The following B3GLCT variants were observed in gnomAD, a reference collection of about 807,000 sequenced individuals.
B3GLCT encodes beta-1,3-glucosyltransferase.
Under a neutral mutation model 63.4 loss-of-function variants are expected in B3GLCT, and 65 were observed. The ratio of observed to expected loss-of-function variants is 1.03; its 90% CI spans 0.84 to 1.26. The LOEUF (loss-of-function observed/expected upper bound fraction) is 1.26, where lower values mean the gene tolerates loss of function less well. Ranked by LOEUF, B3GLCT falls within the 50% of genes most tolerant of loss-of-function variation. The pLI, the probability that B3GLCT is intolerant of heterozygous loss-of-function variation, is 0.00. For synonymous variants in B3GLCT, 233 were observed against 219.2 expected (o/e 1.06, Z -0.55); for missense variants, 577 against 604.8 (o/e 0.95, Z 0.48).
At chr13:31,276,418 GTTA>G (rs569166132) in intron 9 of B3GLCT, among the ~76,000 whole-genome samples, 9 of 152,072 alleles carry the variant, frequency 5.9e-5, no homozygotes, top group Admixed American at 1.3e-4. Flanking sequence ...CCTTGCAGTG[GTTA>G]TTATTTTTTT....
At chr13:31,221,099 C>T (rs561457781) in intron 2 of B3GLCT, among the ~76,000 whole-genome samples, 1 of 152,316 alleles carries the variant, frequency 6.6e-6, no homozygotes, top group Non-Finnish European at 1.5e-5. Flanking sequence ...GTTCTGTGGC[C>T]AGAATGACTG....
chr13:31,310,034 C>A (rs1002841179), intron 12 of B3GLCT, among the ~76,000 whole-genome samples: 1 of 152,162 alleles, frequency 6.6e-6, no homozygotes, highest in Non-Finnish European at 1.5e-5. Flanking sequence ...GGCCAGGTCC[C>A]CAGTGAAACC....
chr13:31,270,567 A>G (rs756659917), intron 8 of B3GLCT, among the ~76,000 whole-genome samples: 2 of 152,210 alleles, frequency 1.3e-5, no homozygotes, highest in East Asian at 3.9e-4. Flanking sequence ...AAGATTAATG[A>G]ACAAAATACT....
chr13:31,211,345 G>A (rs1230532346), intron 1 of B3GLCT, among the ~76,000 whole-genome samples: 2 of 152,142 alleles, frequency 1.3e-5, no homozygotes, highest in Non-Finnish European at 2.9e-5. Flanking sequence ...GCGTTGAGTT[G>A]AGATAGTGCC....
At chr13:31,237,108 A>C (rs1870690419) in intron 4 of B3GLCT, among the ~76,000 whole-genome samples, 1 of 144,804 alleles carries the variant, frequency 6.9e-6, no homozygotes, top group African/African-American at 2.5e-5. Context: ...CCTGGGCAAC[A>C]GAGCGAGACT....
At chr13:31,258,763 T>TAGG (rs1264212014) in intron 6 of B3GLCT, among the ~76,000 whole-genome samples, 9 of 152,268 alleles carry the variant, frequency 5.9e-5, no homozygotes, top group African/African-American at 1.9e-4. Flanking sequence ...TATGTGCCTA[T>TAGG]GTGTGATTTT....
intron 12 of B3GLCT, among the ~76,000 whole-genome samples, chr13:31,306,798 A>G (rs1874423814): frequency 1.7e-5 from 1 of 60,600 alleles, no homozygotes; most frequent in Admixed American, 2.0e-4. Flanking sequence ...TCAAGCTACC[A>G]ATGACTTTCT....
intron 3 of B3GLCT, among the ~76,000 whole-genome samples, chr13:31,224,084 G>A (rs114126020): frequency 0.012 from 1,900 of 152,196 alleles, 44 homozygotes; most frequent in African/African-American, 0.044. Flanking sequence ...AGAGACCCCC[G>A]CCCCCGGGTG....
At chr13:31,222,867 C>A in intron 2 of B3GLCT, 85 bp from the exon 3 acceptor site, 1 of 899,112 alleles carries the variant, frequency 1.1e-6, no homozygotes, top group Non-Finnish European at 1.9e-6. Flanking sequence ...CTGATACATA[C>A]CATGCACCAT....
At chr13:31,317,857 C>T (rs1875132790) in intron 13 of B3GLCT, among the ~76,000 whole-genome samples, 172 bp downstream of exon 13, 1 of 142,516 alleles carries the variant, frequency 7.0e-6, no homozygotes, top group South Asian at 2.3e-4. Context: ...AAAGAACACT[C>T]AGTAAAGAAT....
At chr13:31,301,218 C>A (rs1459441027) in intron 12 of B3GLCT, among the ~76,000 whole-genome samples, 3 of 152,160 alleles carry the variant, frequency 2.0e-5, no homozygotes, top group African/African-American at 7.2e-5. Context: ...TCCTAGTAGT[C>A]ATTGCTGGGA....
intron 11 of B3GLCT, among the ~76,000 whole-genome samples, chr13:31,285,604 TAAAAAAA>T (rs11339832): frequency 7.1e-5 from 6 of 84,242 alleles, no homozygotes; most frequent in Non-Finnish European, 9.2e-5. Flanking sequence ...CTTTTATGAG[TAAAAAAA>T]AAAAAAAAAA....
At chr13:31,280,932 T>G (rs1441141793) in intron 10 of B3GLCT, among the ~76,000 whole-genome samples, 1 of 152,210 alleles carries the variant, frequency 6.6e-6, no homozygotes, top group African/African-American at 2.4e-5. Flanking sequence ...CATAAGGTGA[T>G]GAATTGGGCA....
At chr13:31,314,354 A>G in intron 12 of B3GLCT, among the ~76,000 whole-genome samples, 1 of 152,182 alleles carries the variant, frequency 6.6e-6, no homozygotes, top group East Asian at 1.9e-4. Flanking sequence ...GCCAGGAGGG[A>G]GGCTGTACTC....
intron 9 of B3GLCT, among the ~76,000 whole-genome samples, chr13:31,276,083 C>T (rs141802315): frequency 6.6e-6 from 1 of 152,232 alleles, no homozygotes; most frequent in Non-Finnish European, 1.5e-5. Flanking sequence ...TCTTTGTGCC[C>T]CCTTTCATCT....
At chr13:31,289,080 A>G (rs1477738178) in intron 12 of B3GLCT, among the ~76,000 whole-genome samples, 1 of 152,106 alleles carries the variant, frequency 6.6e-6, no homozygotes, top group Non-Finnish European at 1.5e-5. Flanking sequence ...CTGGAACTGA[A>G]AATTCATTGA....
chr13:31,280,298 A>C (rs1253983314), intron 10 of B3GLCT, among the ~76,000 whole-genome samples: 1 of 152,262 alleles, frequency 6.6e-6, no homozygotes, highest in African/African-American at 2.4e-5. Context: ...TGGGGAACTA[A>C]TAAATGTCCA....
intron 1 of B3GLCT, among the ~76,000 whole-genome samples, chr13:31,202,186 T>G (rs1408981357): frequency 6.6e-6 from 1 of 152,200 alleles, no homozygotes; most frequent in Non-Finnish European, 1.5e-5. Context: ...GACTATATAG[T>G]TTAGTTTCCC....
At chr13:31,266,272 C>T (rs936339258) in intron 7 of B3GLCT, among the ~76,000 whole-genome samples, 1 of 152,130 alleles carries the variant, frequency 6.6e-6, no homozygotes, top group African/African-American at 2.4e-5. Flanking sequence ...TCGTGATCCG[C>T]CCACCTCAGC....
Sources: allele counts gnomAD v4.1 joint callset (sites outside exome capture counted in the v4.1 genomes callset), GRCh38; gene constraint gnomAD v4.1.1; transcripts MANE v1.5; gene names NCBI Gene and HGNC (gene_info 2026-07-23, HGNC 2026-07-21).